NPTXR: variants seen among roughly 807,000 people sequenced by gnomAD.
The protein encoded by NPTXR is neuronal pentraxin receptor.
NPTXR carries 12 observed loss-of-function variants against 32.2 expected under a neutral mutation model. The ratio of observed to expected loss-of-function variants is 0.37; its 90% CI spans 0.24 to 0.60. NPTXR has a LOEUF of 0.60. NPTXR is among the 20% of genes least tolerant of loss of function. NPTXR has a pLI of 0.66. For synonymous variants in NPTXR, 323 were observed against 315.8 expected (o/e 1.02, Z -0.24); for missense variants, 612 against 682.9 (o/e 0.90, Z 1.16).
chr22:38,820,903 T>C lies in NPTXR; in HGVS notation c.*1706A>G, dbSNP rs973590475. 6.6e-6 allele frequency: 1 copy of C among 152,296 alleles called. No individual in the cohort carries two copies. The highest frequency in any genetic ancestry group is 2.4e-5 in the African/African-American group (1 of 41,428). 9.4% of individuals were successfully genotyped at this position (152,296 alleles called of 1,614,324 possible). A position where few individuals can be genotyped will look rare whatever the true frequency, so the allele number is the denominator to read the frequency against. On this transcript the variant is annotated 3_prime_UTR_variant, in exon 5 of 5. Transcript: ENST00000333039. The stretch of plus-strand genomic sequence containing the variant: ...GCTTTTCTCATCTTTAAGATTATTA[T>C]TATTTTTTTGAGATGGAGTCTTGCT...
At chr22:38,824,661 C>T (rs982257046) in intron 3 of NPTXR, among the ~76,000 whole-genome samples, 1 of 152,196 alleles carries the variant, frequency 6.6e-6, no homozygotes, top group Non-Finnish European at 1.5e-5. Flanking sequence ...GACTCTAGAG[C>T]GTCCCAGAAC....
At chr22:38,836,783 TCAAAA>T (rs1282052435) in intron 1 of NPTXR, among the ~76,000 whole-genome samples, 1 of 152,200 alleles carries the variant, frequency 6.6e-6, no homozygotes, top group Non-Finnish European at 1.5e-5. Context: ...AATATAAACC[TCAAAA>T]CAAACAAGTC....
At position 38,834,153 on chromosome 22, in the gene NPTXR, C is replaced by T. The variant is rs2093120584; in HGVS notation, c.625-5641G>A. On this transcript the variant is annotated intron_variant, in intron 1 of 4. Transcript: ENST00000333039. This position sits in a 1 kb window ranked among gnomAD's most constrained non-coding sequence, Gnocchi z 4.4. Reference sequence around the variant, plus strand: ...CCTGCGTCTCGCCCAGAGCTTCACTCAGCTCCTAGCCTTCTCCCTAGTCCT... The same window carrying T: ...CCTGCGTCTCGCCCAGAGCTTCACTTAGCTCCTAGCCTTCTCCCTAGTCCT... Among the ~76,000 whole-genome samples, 1 of 152,176 alleles carries T rather than the reference C, an allele frequency of 6.6e-6. No individual in the cohort carries two copies. Among genetic ancestry groups the T allele is most frequent in the Non-Finnish European group, 1.5e-5 (1 of 68,046 alleles).
At chr22:38,842,182 C>T (rs988111478) in intron 1 of NPTXR, among the ~76,000 whole-genome samples, 2 of 152,354 alleles carry the variant, frequency 1.3e-5, no homozygotes, top group South Asian at 4.1e-4. Context: ...TACTCCCCGC[C>T]TCTCTCCTCC....
rs780696214 is a variant in NPTXR at position 38,826,601 on chromosome 22, C to T, written c.997G>A (p.Gly333Ser). ...GAGTAGGAGAAGGGGGTGCCCTGGC[C>T]GGTGCCGCTGGACCTGGACCGCAGC... The change falls in exon 3 of 5, where the codon GGC becomes AGC. Residue 333 changes from glycine to serine, a missense_variant. Gly to Ser is a moderately conservative substitution (Grantham distance 56). Transcript: ENST00000333039. The T allele has an allele frequency of 2.2e-5, 36 of 1,614,116 alleles. No homozygotes were observed. Among genetic ancestry groups the T allele is most frequent in the Admixed American group, 3.3e-5 (2 of 60,014 alleles).
chr22:38,826,780 C>A, intron 2 of NPTXR, 33 bp from the exon 3 acceptor site: 2 of 1,592,082 alleles, frequency 1.3e-6, no homozygotes, highest in South Asian at 1.1e-5. Context: ...TGGTGGAGGT[C>A]GGTGGACACC....
At position 38,834,911 on chromosome 22, in the gene NPTXR, T is replaced by C. The variant is rs1358205983; in HGVS notation, c.625-6399A>G. Among the ~76,000 whole-genome samples, 1 of 152,142 alleles carries C rather than the reference T, an allele frequency of 6.6e-6. No individual in the cohort carries two copies. Among genetic ancestry groups the C allele is most frequent in the Non-Finnish European group, 1.5e-5 (1 of 68,018 alleles). Reference sequence around the variant, plus strand: ...GTCACATTACTATTATTCTTTGCTGTTATTGAGAGGCAGGAGAGCATAATG... The same window carrying C: ...GTCACATTACTATTATTCTTTGCTGCTATTGAGAGGCAGGAGAGCATAATG... On this transcript the variant is annotated intron_variant, in intron 1 of 4. Transcript: ENST00000333039. This position sits in a 1 kb window ranked among gnomAD's most constrained non-coding sequence, Gnocchi z 4.4.
intron 4 of NPTXR, 78 bp downstream of exon 4, chr22:38,823,005 G>T (rs1251148328): frequency 1.9e-6 from 3 of 1,553,366 alleles, no homozygotes; most frequent in Non-Finnish European, 2.7e-6. Context: ...CCTTGGGCAG[G>T]TCTCTGATCT....
In NPTXR at chr22:38,822,932, C is replaced by T; in HGVS notation, c.1279-99G>A. 2.8e-6 allele frequency: 4 copies of T among 1,416,604 alleles called. No homozygotes were observed. In the Admixed American group the frequency reaches 5.7e-5, roughly 20 times the overall value. 87.8% of individuals were successfully genotyped at this position (1,416,604 alleles called of 1,614,324 possible). A position where few individuals can be genotyped will look rare whatever the true frequency, so the allele number is the denominator to read the frequency against. ...TCAGGCTCTTGTCCCCGAGGCAGCC[C>T]CACCTTCAACCCCACTGAAGCCCCA... On this transcript the variant is annotated intron_variant, in intron 4 of 4. Transcript: ENST00000333039.
chr22:38,834,190 G>A lies in NPTXR; in HGVS notation c.625-5678C>T, dbSNP rs901345080. On this transcript the variant is annotated intron_variant, in intron 1 of 4. Transcript: ENST00000333039. The surrounding 1 kb of genome is among the most constrained non-coding windows in gnomAD (Gnocchi z 4.4). Reference sequence around the variant, plus strand: ...TTCTCCCTAGTCCTGGCTACTCTCCGCTGGACTGTGCCACAGCTTCCACTC... The same window carrying A: ...TTCTCCCTAGTCCTGGCTACTCTCCACTGGACTGTGCCACAGCTTCCACTC... Among the ~76,000 whole-genome samples, 13 of 152,010 alleles carry A rather than the reference G, an allele frequency of 8.6e-5. No homozygotes were observed. Among genetic ancestry groups the A allele is most frequent in the Non-Finnish European group, 1.3e-4 (9 of 68,002 alleles).
rs1041248085 is a variant in NPTXR, at chr22:38,833,777, C to T, written c.625-5265G>A. 4.0e-5 allele frequency among the ~76,000 whole-genome samples: 6 copies of T among 151,742 alleles called. No individual in the cohort carries two copies. The East Asian group carries it at 5.8e-4, about 15-fold the overall frequency. Reference sequence around the variant, plus strand: ...GCAGGCTCCGCCCCCCTGGGGTTCACGCCATTCTCCTGCCTCAGCCTCCCG... The same window carrying T: ...GCAGGCTCCGCCCCCCTGGGGTTCATGCCATTCTCCTGCCTCAGCCTCCCG... On this transcript the variant is annotated intron_variant, in intron 1 of 4. Coordinates refer to ENST00000333039, the MANE Select transcript of NPTXR (RefSeq NM_014293.4).
At chr22:38,833,602 G>A (rs1165319769) in intron 1 of NPTXR, among the ~76,000 whole-genome samples, 2 of 152,198 alleles carry the variant, frequency 1.3e-5, no homozygotes, top group African/African-American at 2.4e-5. Context: ...CTTAGTGCGC[G>A]GTAGGCATAG....
At chr22:38,822,894 C>A (rs966513395) in intron 4 of NPTXR, 61 bp from the exon 5 acceptor site, 2 of 1,513,646 alleles carry the variant, frequency 1.3e-6, no homozygotes, top group South Asian at 1.2e-5. Context: ...AAAAGACAGG[C>A]AGGCTGGCTC....
At chr22:38,827,732 A>C (rs2093109525) in intron 2 of NPTXR, among the ~76,000 whole-genome samples, 1 of 152,220 alleles carries the variant, frequency 6.6e-6, no homozygotes, top group Non-Finnish European at 1.5e-5. Flanking sequence ...GGCCTGGGGA[A>C]GGAAGTGAAC....
intron 1 of NPTXR, among the ~76,000 whole-genome samples, chr22:38,831,933 A>G (rs1477728766): frequency 1.3e-5 from 2 of 152,156 alleles, no homozygotes; most frequent in East Asian, 1.9e-4. Flanking sequence ...TGAATTGTCT[A>G]TAGCAATGGG....
At chr22:38,827,301 C>T (rs1239990122) in intron 2 of NPTXR, among the ~76,000 whole-genome samples, 1 of 150,112 alleles carries the variant, frequency 6.7e-6, no homozygotes, top group Admixed American at 6.7e-5. Flanking sequence ...CCTCTGTTGC[C>T]CAGCTCACTG....
At position 38,843,558 on chromosome 22, in the gene NPTXR, C is replaced by A; in HGVS notation, c.301G>T (p.Ala101Ser). The A allele has an allele frequency of 8.1e-7, 1 of 1,234,256 alleles. No individual in the cohort carries two copies. Among genetic ancestry groups the A allele is most frequent in the Non-Finnish European group, 1.0e-6 (1 of 989,780 alleles). 76.5% of individuals were successfully genotyped at this position (1,234,256 alleles called of 1,614,324 possible). ...TGCTGGGCCCCCGACGGGCAGGCAGCAGCCAGCGGCGTGCACAGGAAGCGG... is the reference window on the plus strand; with the variant it reads ...TGCTGGGCCCCCGACGGGCAGGCAGAAGCCAGCGGCGTGCACAGGAAGCGG... Residue 101 changes from alanine (A) to serine (S), a missense_variant, in exon 1 of 5, where the codon GCT becomes TCT. Transcript: ENST00000333039. This position sits in a 1 kb window ranked among gnomAD's most constrained non-coding sequence, Gnocchi z 5.3.
intron 1 of NPTXR, among the ~76,000 whole-genome samples, chr22:38,836,103 C>T (rs1294392288): frequency 6.6e-6 from 1 of 152,038 alleles, no homozygotes; most frequent in Non-Finnish European, 1.5e-5. Context: ...GAGTGCACTA[C>T]ACGCCCACCG....
chr22:38,843,489 G>T lies in NPTXR; in HGVS notation c.370C>A (p.Leu124Met). 1 of 1,298,626 alleles carries T rather than the reference G, an allele frequency of 7.7e-7. No homozygotes were observed. The highest frequency in any genetic ancestry group is 9.7e-7 in the Non-Finnish European group (1 of 1,025,870). The allele number at this position is 1,298,626 out of a possible 1,614,324, so 80.4% of individuals were successfully genotyped here. The change falls in exon 1 of 5, where the codon CTG (leucine) becomes ATG (methionine). Residue 124 changes from leucine (L) to methionine (M), a missense_variant. Coordinates refer to ENST00000333039, the MANE Select transcript of NPTXR (RefSeq NM_014293.4). The surrounding 1 kb of genome is among the most constrained non-coding windows in gnomAD (Gnocchi z 5.3). ...TGCTCGGCCGTGCTCTGCAGCAGCA[G>T]CAGCTCTTCGCGCTCGCCCGGCGCA...
Sources: allele counts gnomAD v4.1 joint callset (sites outside exome capture counted in the v4.1 genomes callset), GRCh38; gene constraint gnomAD v4.1.1; non-coding constraint Gnocchi (gnomAD v3.1); transcripts MANE v1.5; gene names NCBI Gene and HGNC (gene_info 2026-07-23, HGNC 2026-07-21).